The following TUT4 variants were observed in gnomAD, a reference collection of about 807,000 sequenced individuals.
The protein encoded by TUT4 is terminal uridylyl transferase 4.
TUT4 carries 36 observed loss-of-function variants against 192.2 expected under a neutral mutation model. The ratio of observed to expected loss-of-function variants is 0.19; its 90% CI spans 0.14 to 0.25. The LOEUF (loss-of-function observed/expected upper bound fraction) is 0.25, where lower values mean the gene tolerates loss of function less well. Ranked by LOEUF, TUT4 falls within the 10% of genes least tolerant of loss-of-function variation. The pLI is 1.00. For missense variants in TUT4, 1,493 were observed against 1,957.2 expected (o/e 0.76, Z 4.47); for synonymous variants, 618 against 666.0 (o/e 0.93, Z 1.11).
intron 20 of TUT4, among the ~76,000 whole-genome samples, chr1:52,458,133 A>AAT (rs371948631): frequency 5.3e-4 from 80 of 152,300 alleles, no homozygotes; most frequent in African/African-American, 1.9e-3. Context: ...CTATTCATCT[A>AAT]ATATTCTTTT....
chr1:52,436,624 CTT>C (rs1653875558), intron 26 of TUT4, 129 bp downstream of exon 26: 4 of 1,412,792 alleles, frequency 2.8e-6, no homozygotes, highest in South Asian at 2.8e-5. Flanking sequence ...AATTTTATCT[CTT>C]TAAGAAATTG....
At chr1:52,438,395 G>T in intron 24 of TUT4, 60 bp from the exon 25 acceptor site, 1 of 1,140,096 alleles carries the variant, frequency 8.8e-7, no homozygotes, top group Non-Finnish European at 1.3e-6. Context: ...AATCCAAATG[G>T]AAAGAAGACC....
chr1:52,538,306 A>G (rs1042943742), intron 1 of TUT4, among the ~76,000 whole-genome samples: 2 of 152,146 alleles, frequency 1.3e-5, no homozygotes, highest in African/African-American at 2.4e-5. Context: ...CAGAATATAC[A>G]TTCTATCCCC....
intron 27 of TUT4, chr1:52,434,711 C>A (rs1449261014): frequency 6.6e-6 from 1 of 151,678 alleles, no homozygotes; most frequent in Non-Finnish European, 1.5e-5. Context: ...GATAGTATTG[C>A]CTGCAGTTCA....
chr1:52,547,059 G>A (rs577087575), intron 1 of TUT4, among the ~76,000 whole-genome samples: 19 of 151,304 alleles, frequency 1.3e-4, no homozygotes, highest in East Asian at 7.8e-4. Flanking sequence ...CAGGAGGATC[G>A]CTTGAGGCCC....
intron 16 of TUT4, chr1:52,462,705 T>A: frequency 6.1e-6 from 6 of 982,570 alleles, no homozygotes; most frequent in Non-Finnish European, 7.3e-6. Context: ...ATTATGTTGA[T>A]ATGGAAAAGA....
chr1:52,475,197 G>T lies in TUT4; in HGVS notation c.2362C>A (p.Leu788Ile). The change falls in exon 13 of 30, where the codon CTA (leucine) becomes ATA (isoleucine). Residue 788 changes from leucine to isoleucine, a missense_variant. This residue lies in a region of TUT4 where 245 missense variants were observed against 218.4 expected (regional missense o/e 1.12). Transcript: ENST00000257177. ...IDNNNLLVNE[L>I]DFADHGQDSS... ...TCCTGTCCGTGGTCAGCAAAATCTA[G>T]TTCATTTACCAACAAATTGTTGTTG... is the stretch of plus-strand genomic sequence containing the variant. The T allele has an allele frequency of 6.2e-7, 1 of 1,614,108 alleles. No individual in the cohort carries two copies. Among genetic ancestry groups the T allele is most frequent in the African/African-American group, 1.3e-5 (1 of 75,038 alleles).
intron 4 of TUT4, among the ~76,000 whole-genome samples, chr1:52,504,150 C>A (rs1674890086): frequency 6.6e-6 from 1 of 152,140 alleles, no homozygotes; most frequent in Non-Finnish European, 1.5e-5. Context: ...TCAAGACATC[C>A]TAGGCCTGTA....
intron 1 of TUT4, among the ~76,000 whole-genome samples, chr1:52,542,813 G>A (rs1687069584): frequency 1.3e-5 from 2 of 151,540 alleles, no homozygotes. Flanking sequence ...CCAGGCTGGA[G>A]TGCAATGGCA....
At chr1:52,498,903 TATATATATATATATATATATATATATA>T (rs1264981016) in intron 4 of TUT4, among the ~76,000 whole-genome samples, 1 of 1,006 alleles carries the variant, frequency 9.9e-4, no homozygotes, top group African/African-American at 1.4e-3. Flanking sequence ...AAAAAAAAAT[TATATATATATATATATATATATATATA>T]TATATATATA....
chr1:52,444,537 T>G (rs540558728), intron 24 of TUT4, among the ~76,000 whole-genome samples: 8 of 151,974 alleles, frequency 5.3e-5, no homozygotes, highest in Admixed American at 4.6e-4. Context: ...GAATGTCAAT[T>G]TCATTGGACT....
chr1:52,430,952 T>C, intron 28 of TUT4, 61 bp downstream of exon 28: 1 of 1,492,170 alleles, frequency 6.7e-7, no homozygotes, highest in Non-Finnish European at 9.0e-7. Context: ...ACATTGTTTC[T>C]ACAGACAGAT....
chr1:52,483,969 C>T (rs886319737), intron 9 of TUT4, among the ~76,000 whole-genome samples: 1 of 152,088 alleles, frequency 6.6e-6, no homozygotes, highest in Admixed American at 6.6e-5. Flanking sequence ...CATAGCAAGA[C>T]CTCCGTCTCT....
At chr1:52,442,051 C>T (rs1179768077) in intron 24 of TUT4, among the ~76,000 whole-genome samples, 7 of 151,268 alleles carry the variant, frequency 4.6e-5, no homozygotes, top group African/African-American at 1.7e-4. Flanking sequence ...ACCTGTAATC[C>T]CAGTTACTCT....
chr1:52,450,970 T>C (rs751556611), intron 20 of TUT4, among the ~76,000 whole-genome samples: 5 of 152,002 alleles, frequency 3.3e-5, no homozygotes, highest in Admixed American at 6.6e-5. Flanking sequence ...ACGATTATAA[T>C]AATACAGAGA....
At chr1:52,537,490 A>C (rs1296128644) in intron 1 of TUT4, among the ~76,000 whole-genome samples, 3 of 152,250 alleles carry the variant, frequency 2.0e-5, no homozygotes, top group Non-Finnish European at 2.9e-5. Flanking sequence ...AGGAAACAAA[A>C]GTTAACACAA....
chr1:52,481,778 T>C (rs1668535326), intron 10 of TUT4, 26 bp downstream of exon 10: 1 of 1,567,340 alleles, frequency 6.4e-7, no homozygotes, highest in Non-Finnish European at 8.6e-7. Flanking sequence ...TATATATGCA[T>C]ATATATGTCA....
At chr1:52,496,745 C>A (rs1282265246) in intron 5 of TUT4, among the ~76,000 whole-genome samples, 2 of 152,050 alleles carry the variant, frequency 1.3e-5, no homozygotes, top group Non-Finnish European at 2.9e-5. Flanking sequence ...TATTGAAAAA[C>A]TAAAATATTT....
chr1:52,448,618 C>T (rs1175083767), intron 20 of TUT4, among the ~76,000 whole-genome samples: 1 of 141,440 alleles, frequency 7.1e-6, no homozygotes, highest in Non-Finnish European at 1.5e-5. Context: ...AAAAAAGAGG[C>T]AATTGCAGCT....
Sources: allele counts gnomAD v4.1 joint callset (sites outside exome capture counted in the v4.1 genomes callset), GRCh38; gene constraint gnomAD v4.1.1; regional missense constraint gnomAD v4.1.1; transcripts MANE v1.5; gene names NCBI Gene and HGNC (gene_info 2026-07-23, HGNC 2026-07-21).